Variants in CFDP1 observed in about 807,000 individuals in gnomAD.
CFDP1 encodes the protein heterochromatin-stabilizing protein CFDP1.
In CFDP1, 31 loss-of-function variants were observed where a neutral mutation model predicts 40.1. The observed-to-expected ratio is 0.77, with a 90% CI of 0.58 to 1.04. The LOEUF is 1.04. Among genes scored for constraint, CFDP1 ranks in the 50% least tolerant of loss-of-function variants. CFDP1 has a pLI of 0.00. For synonymous variants in CFDP1, 167 were observed against 120.0 expected, an observed-to-expected ratio of 1.39 and a Z score of -2.56; for missense variants, 423 against 343.4, an observed-to-expected ratio of 1.23 and a Z score of -1.83.
intron 1 of CFDP1, among the ~76,000 whole-genome samples, chr16:75,431,361 A>G (rs1490918397): frequency 1.4e-5 from 2 of 142,448 alleles, no homozygotes; most frequent in East Asian, 2.3e-4. Context: ...GGCTGAGGCA[A>G]GAGAATGGCG....
At chr16:75,317,124 C>G (rs1597326924) in intron 5 of CFDP1, among the ~76,000 whole-genome samples, 2 of 152,228 alleles carry the variant, frequency 1.3e-5, no homozygotes, top group African/African-American at 4.8e-5. Flanking sequence ...GCCTCTCTGG[C>G]CAACATGGAG....
intron 5 of CFDP1, among the ~76,000 whole-genome samples, chr16:75,307,579 G>A (rs1303223982): frequency 6.6e-6 from 1 of 151,980 alleles, no homozygotes; most frequent in Non-Finnish European, 1.5e-5. Flanking sequence ...CTTTTTTAGA[G>A]ACAGGTTCTC....
chr16:75,431,980 C>T (rs561822170), intron 1 of CFDP1, among the ~76,000 whole-genome samples: 119 of 145,220 alleles, frequency 8.2e-4, no homozygotes, highest in Non-Finnish European at 1.3e-3. Flanking sequence ...GGTGTGATCT[C>T]GGCTCACTGC....
intron 1 of CFDP1, among the ~76,000 whole-genome samples, chr16:75,424,206 G>T (rs1468822124): frequency 3.3e-5 from 5 of 152,154 alleles, no homozygotes; most frequent in African/African-American, 1.2e-4. Flanking sequence ...GACTGCCAAG[G>T]TTAACATTCC....
intron 5 of CFDP1, among the ~76,000 whole-genome samples, chr16:75,307,309 G>A (rs2078265542): frequency 6.6e-6 from 1 of 151,894 alleles, no homozygotes; most frequent in Admixed American, 6.6e-5. Context: ...TCCGCCTCCC[G>A]GGTTCAAGCG....
At chr16:75,376,953 T>G (rs1290362525) in intron 5 of CFDP1, among the ~76,000 whole-genome samples, 2 of 152,252 alleles carry the variant, frequency 1.3e-5, no homozygotes, top group Admixed American at 6.5e-5. Flanking sequence ...ACTGCAGAAC[T>G]GCCCTGAGCT....
chr16:75,373,561 A>C (rs994449193), intron 5 of CFDP1, among the ~76,000 whole-genome samples: 1 of 152,188 alleles, frequency 6.6e-6, no homozygotes, highest in Non-Finnish European at 1.5e-5. Context: ...CTGTGTAACT[A>C]ATCATGAACA....
chr16:75,389,462 AAATGC>A (rs1459222826), intron 5 of CFDP1, among the ~76,000 whole-genome samples: 1 of 152,166 alleles, frequency 6.6e-6, no homozygotes, highest in Non-Finnish European at 1.5e-5. Flanking sequence ...CACATGGAGG[AAATGC>A]ATTTTTAGTT....
chr16:75,378,771 A>G (rs533962193), intron 5 of CFDP1, among the ~76,000 whole-genome samples: 2 of 152,324 alleles, frequency 1.3e-5, no homozygotes, highest in South Asian at 4.1e-4. Context: ...AATTTATTTA[A>G]AAGATATTGG....
chr16:75,328,746 T>C (rs1378418294), intron 5 of CFDP1, among the ~76,000 whole-genome samples: 1 of 151,560 alleles, frequency 6.6e-6, no homozygotes, highest in African/African-American at 2.4e-5. Context: ...TGGTGTGATC[T>C]TGGCTCAATG....
intron 4 of CFDP1, among the ~76,000 whole-genome samples, chr16:75,405,363 C>T (rs1567674723): frequency 6.6e-6 from 1 of 152,104 alleles, no homozygotes; most frequent in Non-Finnish European, 1.5e-5. Context: ...CATGATGACT[C>T]ATGTCTGTAA....
At chr16:75,333,551 CTTT>C (rs1429160390) in intron 5 of CFDP1, among the ~76,000 whole-genome samples, 1 of 152,166 alleles carries the variant, frequency 6.6e-6, no homozygotes, top group African/African-American at 2.4e-5. Flanking sequence ...AGCATTTCTT[CTTT>C]ATTTGCTTTT....
intron 5 of CFDP1, among the ~76,000 whole-genome samples, chr16:75,319,389 G>A (rs2078346874): frequency 6.6e-6 from 1 of 152,142 alleles, no homozygotes; most frequent in Admixed American, 6.5e-5. Context: ...TCCAAATGAG[G>A]AGGAGATAGA....
intron 3 of CFDP1, 81 bp from the exon 4 acceptor site, chr16:75,412,033 T>C (rs1489525775): frequency 1.4e-6 from 2 of 1,402,760 alleles, no homozygotes; most frequent in Admixed American, 2.6e-5. Context: ...TTTTTTTCTT[T>C]GAGATAGCGT....
chr16:75,391,740 G>C (rs2078953137), intron 5 of CFDP1, among the ~76,000 whole-genome samples: 1 of 152,116 alleles, frequency 6.6e-6, no homozygotes, highest in Non-Finnish European at 1.5e-5. Flanking sequence ...TTGGGAGGCT[G>C]AGGCAGGTGG....
intron 5 of CFDP1, among the ~76,000 whole-genome samples, chr16:75,360,092 T>G (rs567057662): frequency 6.6e-6 from 1 of 152,218 alleles, no homozygotes; most frequent in East Asian, 1.9e-4. Context: ...GGGGTCTCAC[T>G]ATGTTGGGCA....
At chr16:75,364,211 A>G (rs2078698907) in intron 5 of CFDP1, among the ~76,000 whole-genome samples, 1 of 152,214 alleles carries the variant, frequency 6.6e-6, no homozygotes, top group East Asian at 1.9e-4. Flanking sequence ...GCTTTATTTA[A>G]CAATTCACTT....
intron 5 of CFDP1, among the ~76,000 whole-genome samples, chr16:75,333,512 T>C (rs1054564585): frequency 1.3e-5 from 2 of 152,226 alleles, no homozygotes; most frequent in African/African-American, 2.4e-5. Flanking sequence ...AAAGTAGTAA[T>C]GTCACAGATT....
chr16:75,296,301 G>C (rs2078181669), intron 6 of CFDP1, among the ~76,000 whole-genome samples: 1 of 152,070 alleles, frequency 6.6e-6, no homozygotes, highest in South Asian at 2.1e-4. Context: ...GAGTGCAGTG[G>C]TGCACAGTTC....
Sources: allele counts gnomAD v4.1 joint callset (sites outside exome capture counted in the v4.1 genomes callset), GRCh38; gene constraint gnomAD v4.1.1; transcripts MANE v1.5; gene names NCBI Gene and HGNC (gene_info 2026-07-23, HGNC 2026-07-21).